REV3L: variants seen among roughly 807,000 people sequenced by gnomAD.
REV3L encodes the protein DNA polymerase zeta catalytic subunit.
A neutral mutation model predicts 299.4 loss-of-function variants in REV3L; 69 were observed. That is an observed-to-expected ratio of 0.23 (90% CI 0.19 to 0.28). REV3L has a LOEUF of 0.28. REV3L is among the 10% of genes least tolerant of loss of function. REV3L has a pLI of 1.00. For synonymous variants in REV3L, 1,238 were observed against 1,271.4 expected, an observed-to-expected ratio of 0.97 and a Z score of 0.56; for missense variants, 3,128 against 3,693.8, an observed-to-expected ratio of 0.85 and a Z score of 3.97.
intron 20 of REV3L, among the ~76,000 whole-genome samples, chr6:111,346,596 G>A (rs455247): frequency 0.4 from 60,632 of 151,920 alleles, 14,625 homozygotes; most frequent in Non-Finnish European, 0.54. Flanking sequence ...ATGTCCTCCC[G>A]CCTGAGTCTC....
At position 111,344,045 on chromosome 6, in the gene REV3L, T is replaced by TA. The variant is rs565415842; in HGVS notation, c.7420-3dup. On this transcript the variant is annotated splice_polypyrimidine_tract_variant and splice_region_variant and intron_variant, in intron 20 of 31. Transcript: ENST00000368802. ...AAAGGTGTAGTTAGTTAGAGCCACC[T>TA]AAAAAAAAAGGCAAGACACCATTAT... The TA allele has an allele frequency of 2.1e-3, 3,269 of 1,547,448 alleles. 24 individuals carry two copies. The South Asian group carries it at 0.024, about 11-fold the overall frequency.
At chr6:111,358,010 C>A (rs1186758879) in intron 17 of REV3L, among the ~76,000 whole-genome samples, 1 of 151,882 alleles carries the variant, frequency 6.6e-6, no homozygotes, top group Non-Finnish European at 1.5e-5. Context: ...AAGCACATCA[C>A]TGAATAAATT....
chr6:111,316,002 G>A (rs1773475877), intron 26 of REV3L, among the ~76,000 whole-genome samples: 1 of 152,086 alleles, frequency 6.6e-6, no homozygotes, highest in South Asian at 2.1e-4. Context: ...CATTTTGGGA[G>A]GCCAAGGCGG....
At chr6:111,329,415 C>G (rs1582540230) in intron 25 of REV3L, 117 bp downstream of exon 25, 1 of 841,694 alleles carries the variant, frequency 1.2e-6, no homozygotes, top group East Asian at 2.6e-5. Flanking sequence ...CAACTCTGGG[C>G]TGAAGACCCC....
At chr6:111,421,265 ATTTG>A (rs1175489611) in intron 1 of REV3L, among the ~76,000 whole-genome samples, 2 of 152,148 alleles carry the variant, frequency 1.3e-5, no homozygotes, top group Non-Finnish European at 2.9e-5. Flanking sequence ...TTGTTAGCCT[ATTTG>A]TAGTAAAATT....
At chr6:111,392,387 G>A (rs1173427346) in intron 5 of REV3L, among the ~76,000 whole-genome samples, 1 of 151,886 alleles carries the variant, frequency 6.6e-6, no homozygotes, top group Non-Finnish European at 1.5e-5. Flanking sequence ...CAAGCATTTG[G>A]AATATACTGC....
intron 1 of REV3L, chr6:111,430,614 C>G: frequency 1.3e-6 from 2 of 1,529,136 alleles, no homozygotes; most frequent in Non-Finnish European, 1.8e-6. Flanking sequence ...AGACACCTCG[C>G]AGAGTGGGGA....
At chr6:111,462,340 C>A (rs1790877846) in intron 1 of REV3L, among the ~76,000 whole-genome samples, 1 of 151,924 alleles carries the variant, frequency 6.6e-6, no homozygotes, top group South Asian at 2.1e-4. Context: ...TATATTAATA[C>A]AAGGCAAAGA....
At chr6:111,343,027 TTAAG>T (rs999629165) in intron 21 of REV3L, among the ~76,000 whole-genome samples, 3 of 152,146 alleles carry the variant, frequency 2.0e-5, no homozygotes, top group African/African-American at 4.8e-5. Flanking sequence ...AGAAAACAGA[TTAAG>T]TTTCTTAAAA....
chr6:111,416,600 A>G, intron 1 of REV3L, 128 bp from the exon 2 acceptor site: 3 of 721,088 alleles, frequency 4.2e-6, no homozygotes, highest in Non-Finnish European at 6.7e-6. Flanking sequence ...AAAAAAATTA[A>G]CCCATAGTTC....
chr6:111,405,133 A>T (rs1042275837), intron 4 of REV3L, among the ~76,000 whole-genome samples: 3 of 152,160 alleles, frequency 2.0e-5, no homozygotes, highest in African/African-American at 7.2e-5. Context: ...ATCACAATAC[A>T]TATCAATTGC....
chr6:111,469,105 T>C (rs1791869385), intron 1 of REV3L, among the ~76,000 whole-genome samples: 1 of 152,112 alleles, frequency 6.6e-6, no homozygotes, highest in South Asian at 2.1e-4. Flanking sequence ...AAGGTGGCAG[T>C]GAGCCAAGAT....
chr6:111,351,328 CTA>C (rs1554200401), intron 19 of REV3L, among the ~76,000 whole-genome samples: 1 of 151,360 alleles, frequency 6.6e-6, no homozygotes, highest in Non-Finnish European at 1.5e-5. Context: ...ATTATGAAGA[CTA>C]TTTCATAATG....
At chr6:111,466,817 G>T (rs62420438) in intron 1 of REV3L, among the ~76,000 whole-genome samples, 3,408 of 151,504 alleles carry the variant, frequency 0.022, 50 homozygotes, top group Non-Finnish European at 0.037. Flanking sequence ...ACTCTAGCCT[G>T]GGCGACACAG....
chr6:111,366,825 A>G (rs1164102429), intron 14 of REV3L, among the ~76,000 whole-genome samples: 1 of 152,206 alleles, frequency 6.6e-6, no homozygotes, highest in Admixed American at 6.5e-5. Context: ...CTGTTTTAAA[A>G]TGTGGGAGAC....
intron 1 of REV3L, among the ~76,000 whole-genome samples, chr6:111,459,937 A>T (rs1471625847): frequency 2.0e-5 from 3 of 152,178 alleles, no homozygotes; most frequent in Non-Finnish European, 2.9e-5. Flanking sequence ...AAAGAAAAAT[A>T]TATCATTCTA....
At chr6:111,411,455 AT>A (rs769814176) in intron 3 of REV3L, 24 bp downstream of exon 3, 10 of 1,377,162 alleles carry the variant, frequency 7.3e-6, no homozygotes, top group Non-Finnish European at 1.0e-5. Context: ...AGTTATTCAT[AT>A]TTTGGTTTCA....
Position 111,367,624 on chromosome 6 carries a change from A to G in REV3L, c.6164T>C (p.Val2055Ala), listed in dbSNP as rs2115032546. ...TGTAGTGGGGAGTATACATGGACTT[A>G]CATCCATTTTTGGAGGCACTACAGG... Reference protein sequence around the residue: ...DKPVVPPKMDVSPCILPTTAH... With the variant: ...DKPVVPPKMDASPCILPTTAH... Residue 2055 changes from valine (V) to alanine (A), a missense_variant, in exon 14 of 32, where the codon GTA (valine) becomes GCA (alanine). This residue lies in a region of REV3L where 2,409 missense variants were observed against 2,611.8 expected (regional missense o/e 0.92). Coordinates refer to ENST00000368802, the MANE Select transcript of REV3L (RefSeq NM_001372078.1). 2 of 1,614,176 alleles carry G rather than the reference A, an allele frequency of 1.2e-6. No homozygotes were observed. Among genetic ancestry groups the G allele is most frequent in the Non-Finnish European group, 8.5e-7 (1 of 1,180,032 alleles).
intron 1 of REV3L, among the ~76,000 whole-genome samples, chr6:111,421,993 A>G (rs545005217): frequency 2.0e-5 from 3 of 152,284 alleles, no homozygotes; most frequent in Non-Finnish European, 4.4e-5. Context: ...TCAGTCACAG[A>G]AAGTGTTAAA....
Sources: gnomAD v4.1 joint callset for allele counts (sites outside exome capture counted in the v4.1 genomes callset) on GRCh38, gnomAD v4.1.1 for gene constraint, gnomAD v4.1.1 regional missense constraint, MANE v1.5 for transcripts, NCBI Gene and HGNC (gene_info 2026-07-23, HGNC 2026-07-21) for gene names.